FHIT: variants seen among roughly 807,000 people sequenced by gnomAD.
FHIT encodes fragile histidine triad diadenosine triphosphatase.
A neutral mutation model predicts 17.9 loss-of-function variants in FHIT; 19 were observed. The ratio of observed to expected loss-of-function variants is 1.06; its 90% CI spans 0.74 to 1.56. The LOEUF is 1.56. Ranked by LOEUF, FHIT falls within the 40% of genes most tolerant of loss-of-function variation. The pLI, the probability that FHIT is intolerant of heterozygous loss-of-function variation, is 0.00. For synonymous variants in FHIT, 81 were observed against 69.7 expected, an observed-to-expected ratio of 1.16 and a Z score of -0.81; for missense variants, 248 against 189.2, an observed-to-expected ratio of 1.31 and a Z score of -1.82.
chr3:60,980,267 T>C (rs1710438187), intron 3 of FHIT, among the ~76,000 whole-genome samples: 1 of 152,176 alleles, frequency 6.6e-6, no homozygotes. Flanking sequence ...CACAACATCT[T>C]TTCTGTCCCT....
chr3:60,297,140 A>G lies in FHIT; in HGVS notation c.103+239720T>C, dbSNP rs148056253. ...GCTATTCTAGTTCCTGTGCCTTTAC[A>G]TATGAATTTCAGGATAATCTTGTCT... On this transcript the variant is annotated intron_variant, in intron 5 of 9. Coordinates refer to ENST00000492590, the MANE Select transcript of FHIT (RefSeq NM_002012.4). Among the ~76,000 whole-genome samples the G allele has an allele frequency of 5.6e-3, 846 of 152,172 alleles. 12 individuals carry two copies. The highest frequency in any genetic ancestry group is 0.019 in the African/African-American group (799 of 41,548).
chr3:60,754,669 A>G (rs2042538216), intron 4 of FHIT, among the ~76,000 whole-genome samples: 1 of 151,950 alleles, frequency 6.6e-6, no homozygotes, highest in Admixed American at 6.6e-5. Context: ...CTATGATGAG[A>G]AGCTTTTGGG....
rs1236086304 is a variant in FHIT at position 60,960,041 on chromosome 3, C to G, written c.-111+82006G>C. ...ACACTAAAATATAAGGTGATTATCT[C>G]TGAATGATAAGTTTTGGGGCAGTTT... On this transcript the variant is annotated intron_variant, in intron 3 of 9. Transcript: ENST00000492590. Among the ~76,000 whole-genome samples, 5 of 151,382 alleles carry G rather than the reference C, an allele frequency of 3.3e-5. No individual in the cohort carries two copies. The East Asian group carries it at 9.7e-4, about 29-fold the overall frequency.
chr3:59,822,881 T>C (rs868580784), intron 8 of FHIT, among the ~76,000 whole-genome samples: 38 of 152,212 alleles, frequency 2.5e-4, no homozygotes, highest in Admixed American at 5.2e-4. Context: ...CCTAAGCCAA[T>C]GTCTAGAAGG....
At chr3:60,469,972 ACT>A (rs2032997744) in intron 5 of FHIT, among the ~76,000 whole-genome samples, 2 of 151,076 alleles carry the variant, frequency 1.3e-5, no homozygotes, top group African/African-American at 4.9e-5. Context: ...CCAGGCAGAG[ACT>A]CTTGTTCTCA....
At position 60,633,187 on chromosome 3, in the gene FHIT, A is replaced by G. The variant is rs550857742; in HGVS notation, c.-17-96208T>C. Among the ~76,000 whole-genome samples, 31 of 152,356 alleles carry G rather than the reference A, an allele frequency of 2.0e-4. No individual in the cohort carries two copies. In the East Asian group the frequency reaches 5.6e-3, roughly 27 times the overall value. On this transcript the variant is annotated intron_variant, in intron 4 of 9. Coordinates refer to ENST00000492590, the MANE Select transcript of FHIT (RefSeq NM_002012.4). ...TGCCCAAAATATCCTCAAAGACTTT[A>G]TTAATCTAGGGAGGCAATAGTTAGG...
At chr3:60,877,243 C>T (rs1216823307) in intron 3 of FHIT, among the ~76,000 whole-genome samples, 1 of 152,160 alleles carries the variant, frequency 6.6e-6, no homozygotes, top group African/African-American at 2.4e-5. Context: ...GGCTTGACAC[C>T]CCTGCCTCCA....
chr3:60,508,273 G>A (rs1044474892), intron 5 of FHIT, among the ~76,000 whole-genome samples: 1 of 152,152 alleles, frequency 6.6e-6, no homozygotes, highest in Admixed American at 6.5e-5. Flanking sequence ...GAAAAAGAAG[G>A]ATGTTCTATA....
intron 5 of FHIT, among the ~76,000 whole-genome samples, chr3:60,457,921 A>T (rs1252238870): frequency 2.6e-5 from 4 of 152,194 alleles, no homozygotes; most frequent in African/African-American, 9.7e-5. Flanking sequence ...ATCATTAAAA[A>T]GTCAGGAAAC....
chr3:60,427,075 A>G (rs1702697991), intron 5 of FHIT, among the ~76,000 whole-genome samples: 1 of 152,074 alleles, frequency 6.6e-6, no homozygotes, highest in Non-Finnish European at 1.5e-5. Context: ...GGCCTGACCT[A>G]TTCAGGTGAG....
chr3:60,013,921 C>A, intron 6 of FHIT, 86 bp downstream of exon 6: 1 of 1,374,344 alleles, frequency 7.3e-7, no homozygotes, highest in Non-Finnish European at 1.0e-6. Flanking sequence ...CACATCTGCC[C>A]TCCTGGTAAG....
chr3:60,037,940 C>CT (rs1701287409), intron 5 of FHIT, among the ~76,000 whole-genome samples: 1 of 152,150 alleles, frequency 6.6e-6, no homozygotes, highest in Non-Finnish European at 1.5e-5. Flanking sequence ...TCTTGAACTC[C>CT]TGAGCTCAGG....
chr3:60,254,058 TTC>T (rs1705860554), intron 5 of FHIT, among the ~76,000 whole-genome samples: 1 of 152,196 alleles, frequency 6.6e-6, no homozygotes, highest in Non-Finnish European at 1.5e-5. Flanking sequence ...CATATCTGCT[TTC>T]TCTCTTTTAC....
chr3:60,738,163 G>A (rs1044419625), intron 4 of FHIT, among the ~76,000 whole-genome samples: 6 of 152,140 alleles, frequency 3.9e-5, no homozygotes, highest in African/African-American at 9.7e-5. Context: ...AAAGCAGATC[G>A]CATGAAAGAC....
At chr3:60,014,180 C>A (rs1700251892) in intron 5 of FHIT, 28 bp from the exon 6 acceptor site, 1 of 1,612,238 alleles carries the variant, frequency 6.2e-7, no homozygotes, top group Middle Eastern at 1.7e-4. Flanking sequence ...AAGGCCCATG[C>A]TGCTGGCTTT....
intron 8 of FHIT, among the ~76,000 whole-genome samples, chr3:59,788,063 G>A (rs1259234582): frequency 6.6e-6 from 1 of 152,128 alleles, no homozygotes. Flanking sequence ...GCCCTTCTGG[G>A]GCTCACCTTT....
At chr3:59,918,778 G>A (rs773047482) in intron 8 of FHIT, among the ~76,000 whole-genome samples, 14 of 152,272 alleles carry the variant, frequency 9.2e-5, no homozygotes, top group Non-Finnish European at 1.6e-4. Context: ...CCTAGAGAAT[G>A]AGCAATATGC....
At chr3:60,208,487 T>C (rs1166590630) in intron 5 of FHIT, among the ~76,000 whole-genome samples, 2 of 152,214 alleles carry the variant, frequency 1.3e-5, no homozygotes, top group East Asian at 1.9e-4. Flanking sequence ...GCCCACATTA[T>C]GAGAAAAGAA....
intron 5 of FHIT, among the ~76,000 whole-genome samples, chr3:60,165,455 T>C (rs1014614578): frequency 3.3e-5 from 5 of 152,202 alleles, no homozygotes; most frequent in African/African-American, 1.2e-4. Flanking sequence ...ATACTATTCA[T>C]GCCACTTCCA....
Sources: gnomAD v4.1 joint callset for allele counts (sites outside exome capture counted in the v4.1 genomes callset) on GRCh38, gnomAD v4.1.1 for gene constraint, MANE v1.5 for transcripts, NCBI Gene and HGNC (gene_info 2026-07-23, HGNC 2026-07-21) for gene names.